Variants in THSD4 observed in about 807,000 individuals in gnomAD.
THSD4 encodes the protein thrombospondin type 1 domain containing 4.
A neutral mutation model predicts 119.0 loss-of-function variants in THSD4; 69 were observed. The ratio of observed to expected loss-of-function variants is 0.58; its 90% confidence interval spans 0.48 to 0.71. The LOEUF is 0.71. Among genes scored for constraint, THSD4 ranks in the 30% least tolerant of loss-of-function variants. The probability of loss-of-function intolerance (pLI) is 0.00; values close to 1 mark genes in which losing one functional copy is unlikely to be tolerated. For synonymous variants in THSD4, 524 were observed against 540.4 expected (o/e 0.97, Z 0.42); for missense variants, 1,393 against 1,391.1 (o/e 1.00, Z -0.02).
At chr15:71,682,169 C>T (rs748652002) in intron 8 of THSD4, among the ~76,000 whole-genome samples, 9 of 152,202 alleles carry the variant, frequency 5.9e-5, no homozygotes, top group Non-Finnish European at 1.3e-4. Flanking sequence ...GACTTTATCC[C>T]CTCTTCTCAA....
chr15:71,121,078 A>G (rs1427798466), intron 1 of THSD4, among the ~76,000 whole-genome samples: 1 of 152,120 alleles, frequency 6.6e-6, no homozygotes, highest in Non-Finnish European at 1.5e-5. Context: ...GCAAGCTACA[A>G]ATTTGTAGTT....
At chr15:71,202,023 T>C (rs1361920313) in intron 3 of THSD4, among the ~76,000 whole-genome samples, 2 of 152,074 alleles carry the variant, frequency 1.3e-5, no homozygotes, top group Non-Finnish European at 2.9e-5. Flanking sequence ...GCAGAAATAG[T>C]GGTGGGAGCT....
At chr15:71,414,871 C>G (rs2046738168) in intron 7 of THSD4, among the ~76,000 whole-genome samples, 1 of 152,208 alleles carries the variant, frequency 6.6e-6, no homozygotes, top group Admixed American at 6.5e-5. Flanking sequence ...CATTTGTTCT[C>G]TGCATTTGCC....
In THSD4 at chr15:71,572,509, G is replaced by T. The variant is rs1054724792; in HGVS notation, c.1153-88021G>T. Among the ~76,000 whole-genome samples the T allele has an allele frequency of 4.6e-5, 7 of 152,286 alleles. No homozygotes were observed. In the South Asian group the frequency reaches 8.3e-4, roughly 18 times the overall value. ...GGAAAGCACAGCCTGGCACTGGGCT[G>T]GCTCTAGGGTAAAGAAAGAAGAGAC... On this transcript the variant is annotated intron_variant, in intron 7 of 17. Transcript: ENST00000261862.
chr15:71,168,968 C>A (rs368252973), intron 3 of THSD4, among the ~76,000 whole-genome samples: 1 of 152,036 alleles, frequency 6.6e-6, no homozygotes, highest in Non-Finnish European at 1.5e-5. Flanking sequence ...ACATTCGAGT[C>A]GAGGTTGTTT....
At chr15:71,729,017 T>G (rs556224096) in intron 9 of THSD4, 8 of 415,784 alleles carry the variant, frequency 1.9e-5, no homozygotes, top group African/African-American at 1.6e-4. Context: ...AACATGCCCT[T>G]TATTTCATGA....
chr15:71,630,763 T>A (rs1207124160), intron 7 of THSD4, among the ~76,000 whole-genome samples: 1 of 152,152 alleles, frequency 6.6e-6, no homozygotes, highest in African/African-American at 2.4e-5. Flanking sequence ...AATGCACCAG[T>A]GTGTGTCTCT....
intron 8 of THSD4, among the ~76,000 whole-genome samples, chr15:71,673,148 T>C (rs1479151330): frequency 6.6e-6 from 1 of 152,206 alleles, no homozygotes. Context: ...GGCTATTAAT[T>C]ATTGCCTCAA....
intron 6 of THSD4, among the ~76,000 whole-genome samples, chr15:71,305,544 T>C (rs1270617301): frequency 1.3e-5 from 2 of 152,164 alleles, no homozygotes; most frequent in Non-Finnish European, 2.9e-5. Flanking sequence ...TTAATAGTTA[T>C]GACCTTCAAC....
At chr15:71,528,044 T>C (rs2048552510) in intron 7 of THSD4, among the ~76,000 whole-genome samples, 1 of 152,160 alleles carries the variant, frequency 6.6e-6, no homozygotes. Flanking sequence ...TTGCCTGATA[T>C]ATCCTAGGTA....
intron 6 of THSD4, among the ~76,000 whole-genome samples, chr15:71,292,373 T>C (rs1316044878): frequency 6.6e-6 from 1 of 152,226 alleles, no homozygotes; most frequent in Non-Finnish European, 1.5e-5. Flanking sequence ...TTTCTTCCAA[T>C]ATTTCTTTGA....
At position 71,679,473 on chromosome 15, in the gene THSD4, G is replaced by A. The variant is rs370607344; in HGVS notation, c.1357+18739G>A. On this transcript the variant is annotated intron_variant, in intron 8 of 17. Transcript: ENST00000261862. ...ATACGATATACCAAAAAAGCCAGCC[G>A]CCAAGTTTAGCCCTCATGCTGTGGT... 2.7e-3 allele frequency among the ~76,000 whole-genome samples: 411 copies of A among 152,338 alleles called. 4 individuals are homozygous for A. The highest frequency in any genetic ancestry group is 9.5e-3 in the African/African-American group (396 of 41,586).
intron 6 of THSD4, among the ~76,000 whole-genome samples, chr15:71,363,765 A>G (rs2045923263): frequency 6.6e-6 from 1 of 152,168 alleles, no homozygotes; most frequent in African/African-American, 2.4e-5. Context: ...GGGACCAGGC[A>G]AGGTTTCCAT....
chr15:71,258,524 A>G (rs114322069), intron 6 of THSD4, among the ~76,000 whole-genome samples: 1,910 of 152,328 alleles, frequency 0.013, 35 homozygotes, highest in African/African-American at 0.043. Context: ...AGCTGGGTAA[A>G]GAAAGGGTAT....
At chr15:71,748,379 T>A (rs2053379833) in intron 13 of THSD4, 42 bp from the exon 14 acceptor site, 1 of 1,609,414 alleles carries the variant, frequency 6.2e-7, no homozygotes, top group Admixed American at 1.7e-5. Flanking sequence ...CTCCCAGAGC[T>A]GAAGCTGCTG....
At chr15:71,565,672 T>C (rs1164299103) in intron 7 of THSD4, among the ~76,000 whole-genome samples, 1 of 152,160 alleles carries the variant, frequency 6.6e-6, no homozygotes, top group Non-Finnish European at 1.5e-5. Context: ...CCAGGGACTC[T>C]CTTTTTTTAA....
chr15:71,341,878 T>G (rs987868535), intron 6 of THSD4, among the ~76,000 whole-genome samples: 3 of 152,174 alleles, frequency 2.0e-5, no homozygotes, highest in African/African-American at 4.8e-5. Flanking sequence ...ATAATGACCT[T>G]AATGCTCTAA....
chr15:71,390,124 T>C (rs1009865907), intron 6 of THSD4, among the ~76,000 whole-genome samples: 2 of 152,150 alleles, frequency 1.3e-5, no homozygotes, highest in Admixed American at 6.5e-5. Flanking sequence ...ATGAGCAACA[T>C]ATTCTGGGCA....
At chr15:71,413,898 A>G (rs1163383450) in intron 7 of THSD4, among the ~76,000 whole-genome samples, 1 of 152,210 alleles carries the variant, frequency 6.6e-6, no homozygotes, top group Non-Finnish European at 1.5e-5. Flanking sequence ...TCCAGCTTTA[A>G]TGTTCCCTGC....
Sources: gnomAD v4.1 joint callset for allele counts (sites outside exome capture counted in the v4.1 genomes callset) on GRCh38, gnomAD v4.1.1 for gene constraint, MANE v1.5 for transcripts, NCBI Gene and HGNC (gene_info 2026-07-23, HGNC 2026-07-21) for gene names.